CALU: variants seen among roughly 807,000 people sequenced by gnomAD.
CALU encodes IEF SSP 9302.
Under a neutral mutation model 37.5 loss-of-function variants are expected in CALU, and 13 were observed. The observed-to-expected ratio is 0.35, with a 90% CI of 0.23 to 0.55. The LOEUF (loss-of-function observed/expected upper bound fraction) is 0.55. Ranked by LOEUF, CALU falls within the 20% of genes least tolerant of loss-of-function variation. The pLI, the probability that CALU is intolerant of heterozygous loss-of-function variation, is 0.89. For synonymous variants in CALU, 114 were observed against 133.8 expected (o/e 0.85, Z 1.02); for missense variants, 282 against 391.7 (o/e 0.72, Z 2.36).
chr7:128,756,266 C>T (rs1170655366), intron 3 of CALU, among the ~76,000 whole-genome samples: 3 of 152,238 alleles, frequency 2.0e-5, no homozygotes, highest in African/African-American at 4.8e-5. Context: ...TAGGCACTCA[C>T]TTGCTGCCCA....
intron 3 of CALU, 154 bp downstream of exon 3, chr7:128,754,609 A>G: frequency 1.3e-6 from 2 of 1,551,882 alleles, no homozygotes; most frequent in African/African-American, 1.4e-5. Context: ...AAGCACGCCC[A>G]GAAGAAATAC....
intron 2 of CALU, among the ~76,000 whole-genome samples, chr7:128,752,267 CAA>C (rs774571440): frequency 5.9e-5 from 9 of 151,950 alleles, no homozygotes; most frequent in Non-Finnish European, 1.2e-4. Context: ...AAGTAAAAAA[CAA>C]TAAATTTTTT....
intron 2 of CALU, among the ~76,000 whole-genome samples, chr7:128,750,828 A>G (rs1242789179): frequency 6.6e-6 from 1 of 152,212 alleles, no homozygotes; most frequent in Non-Finnish European, 1.5e-5. Flanking sequence ...AAAATTCACG[A>G]CTTTTTGAAA....
At chr7:128,756,855 T>TG (rs1160481903) in intron 3 of CALU, among the ~76,000 whole-genome samples, 1 of 152,152 alleles carries the variant, frequency 6.6e-6, no homozygotes, top group East Asian at 1.9e-4. Context: ...GCAGAAAGGT[T>TG]GCTTGAGTCC....
intron 2 of CALU, among the ~76,000 whole-genome samples, chr7:128,750,008 C>T (rs764132036): frequency 6.6e-5 from 10 of 151,976 alleles, no homozygotes; most frequent in East Asian, 1.9e-4. Context: ...GGTTGGATCA[C>T]GAGGTCAGGA....
At chr7:128,756,291 T>C (rs339099) in intron 3 of CALU, among the ~76,000 whole-genome samples, 70,854 of 152,092 alleles carry the variant, frequency 0.47, 16,882 homozygotes, top group African/African-American at 0.5. Context: ...GATTCTTCGG[T>C]GCTGTGTATG....
intron 1 of CALU, 131 bp from the exon 2 acceptor site, chr7:128,748,442 G>A (rs1800529191): frequency 6.5e-6 from 8 of 1,228,302 alleles, no homozygotes; most frequent in Non-Finnish European, 9.0e-6. Flanking sequence ...AGTAATATTT[G>A]GGATAATATA....
chr7:128,763,792 T>C (rs953036053), intron 5 of CALU, among the ~76,000 whole-genome samples: 1 of 152,200 alleles, frequency 6.6e-6, no homozygotes, highest in African/African-American at 2.4e-5. Context: ...TGCTGTAGCA[T>C]GGGAAAAAAT....
At chr7:128,743,407 A>G (rs1800312393) in intron 1 of CALU, among the ~76,000 whole-genome samples, 1 of 152,232 alleles carries the variant, frequency 6.6e-6, no homozygotes, top group Non-Finnish European at 1.5e-5. Context: ...TATTGTGATC[A>G]GTATGTATGG....
In CALU at chr7:128,759,030, T is replaced by G; in HGVS notation, c.575T>G (p.Val192Gly). The change falls in exon 4 of 7, where the codon GTA becomes GGA. Residue 192 changes from valine (V) to glycine (G), a missense_variant. Coordinates refer to ENST00000249364, the MANE Select transcript of CALU (RefSeq NM_001219.5). The stretch of plus-strand genomic sequence containing the variant: ...GAGTATGACTACATGAAAGATATAG[T>G]AGTACAGGTGGGTGAGATGAAGGAT... ...PEEYDYMKDI[V>G]VQETMEDIDK... is the part of the protein sequence containing the mutation. 6.2e-7 allele frequency: 1 copy of G among 1,612,194 alleles called. No individual in the cohort carries two copies. The highest frequency in any genetic ancestry group is 8.5e-7 in the Non-Finnish European group (1 of 1,179,080).
At chr7:128,752,707 C>G (rs747501898) in intron 2 of CALU, among the ~76,000 whole-genome samples, 1 of 151,948 alleles carries the variant, frequency 6.6e-6, no homozygotes, top group Non-Finnish European at 1.5e-5. Flanking sequence ...TTTTCTGAGA[C>G]GAAGTCTTGC....
chr7:128,748,299 A>G (rs1276529936), intron 1 of CALU: 3 of 1,246,822 alleles, frequency 2.4e-6, no homozygotes, highest in Non-Finnish European at 3.3e-6. Context: ...GTATCTTTTG[A>G]AAGAAAACAG....
chr7:128,750,562 A>C (rs1271199682), intron 2 of CALU, among the ~76,000 whole-genome samples: 3 of 152,234 alleles, frequency 2.0e-5, no homozygotes, highest in Non-Finnish European at 2.9e-5. Flanking sequence ...TTTTTATGGA[A>C]TGTATGAATA....
chr7:128,744,495 A>T (rs1465792030), intron 1 of CALU, among the ~76,000 whole-genome samples: 3 of 151,680 alleles, frequency 2.0e-5, no homozygotes, highest in African/African-American at 7.3e-5. Flanking sequence ...GGCACAAAGG[A>T]CGTTTTGTTT....
At chr7:128,765,976 A>G (rs976546496) in intron 5 of CALU, among the ~76,000 whole-genome samples, 3 of 152,180 alleles carry the variant, frequency 2.0e-5, no homozygotes, top group Admixed American at 6.5e-5. Context: ...GTTTGTTTCA[A>G]GGTGGAGTCT....
chr7:128,745,322 GAATTATTT>G, intron 1 of CALU, among the ~76,000 whole-genome samples: 1 of 152,114 alleles, frequency 6.6e-6, no homozygotes, highest in African/African-American at 2.4e-5. Context: ...TTTATCTAAA[GAATTATTT>G]GTTTATAGGC....
At chr7:128,749,271 C>T in intron 2 of CALU, among the ~76,000 whole-genome samples, 1 of 152,334 alleles carries the variant, frequency 6.6e-6, no homozygotes, top group African/African-American at 2.4e-5. Context: ...TTTTCATTCT[C>T]AGATATTTGT....
chr7:128,743,028 A>T (rs1188207506), intron 1 of CALU, among the ~76,000 whole-genome samples: 1 of 152,250 alleles, frequency 6.6e-6, no homozygotes, highest in Non-Finnish European at 1.5e-5. Flanking sequence ...AATCTAATAC[A>T]TATAAAATAC....
chr7:128,744,385 GT>G (rs1800353857), intron 1 of CALU, among the ~76,000 whole-genome samples: 1 of 151,972 alleles, frequency 6.6e-6, no homozygotes, highest in African/African-American at 2.4e-5. Flanking sequence ...ATCTAGTACA[GT>G]TTTTGGTATG....
Sources: gnomAD v4.1 joint callset for allele counts (sites outside exome capture counted in the v4.1 genomes callset) on GRCh38, gnomAD v4.1.1 for gene constraint, MANE v1.5 for transcripts, NCBI Gene and HGNC (gene_info 2026-07-23, HGNC 2026-07-21) for gene names.